Variants in DRC8 observed in about 807,000 individuals in gnomAD.
DRC8 encodes dynein regulatory complex protein 8.
At chr1:245,050,825 T>C in the DRC8 span, among the ~76,000 whole-genome samples, 1 of 152,178 alleles carries the variant, frequency 6.6e-6, no homozygotes, top group Admixed American at 6.5e-5. Flanking sequence ...AGGTCAGTCC[T>C]CTTCTTTTTG....
chr1:244,981,042 G>A, the DRC8 span, among the ~76,000 whole-genome samples: 1 of 152,134 alleles, frequency 6.6e-6, no homozygotes, highest in Non-Finnish European at 1.5e-5. Context: ...AATTAGCCAG[G>A]TGTGGTGGCA....
chr1:245,111,242 T>TC, the DRC8 span, among the ~76,000 whole-genome samples: 1 of 152,190 alleles, frequency 6.6e-6, no homozygotes, highest in African/African-American at 2.4e-5. Flanking sequence ...AGGTCTGCAC[T>TC]CGTGGGCACT....
the DRC8 span, among the ~76,000 whole-genome samples, chr1:245,097,242 C>T: frequency 1.3e-5 from 2 of 152,006 alleles, no homozygotes; most frequent in African/African-American, 4.8e-5. This position sits in a 1 kb window ranked among gnomAD's most constrained non-coding sequence, Gnocchi z 5.0. Context: ...GTAAACTGGT[C>T]GGGTGTGGTG....
chr1:244,978,137 A>G, the DRC8 span, among the ~76,000 whole-genome samples: 1 of 152,230 alleles, frequency 6.6e-6, no homozygotes, highest in Non-Finnish European at 1.5e-5. Flanking sequence ...AACCTCTAGT[A>G]TGGATTTTAT....
At chr1:244,983,501 A>T in the DRC8 span, among the ~76,000 whole-genome samples, 4 of 152,070 alleles carry the variant, frequency 2.6e-5, no homozygotes, top group Non-Finnish European at 1.5e-5. Context: ...GCACTTTGGG[A>T]GGCTGAGGTG....
chr1:245,103,858 G>A, the DRC8 span, among the ~76,000 whole-genome samples: 1 of 152,194 alleles, frequency 6.6e-6, no homozygotes, highest in Admixed American at 6.5e-5. Context: ...GCTGGAAACT[G>A]GTGAGAAGGT....
chr1:245,079,660 G>A, the DRC8 span, among the ~76,000 whole-genome samples: 1 of 152,196 alleles, frequency 6.6e-6, no homozygotes, highest in East Asian at 1.9e-4. Context: ...CTAAAGAGGG[G>A]TTTTGGTCTT....
At chr1:245,084,083 C>CCCCCT in the DRC8 span, among the ~76,000 whole-genome samples, 1 of 94,586 alleles carries the variant, frequency 1.1e-5, no homozygotes, top group African/African-American at 3.9e-5. Flanking sequence ...GGCGCCCCGG[C>CCCCCT]TTTTTTTTTT....
At chr1:245,012,337 A>T in the DRC8 span, among the ~76,000 whole-genome samples, 1 of 151,826 alleles carries the variant, frequency 6.6e-6, no homozygotes, top group South Asian at 2.1e-4. Context: ...TAATAATAAT[A>T]ATTATATTTT....
the DRC8 span, chr1:244,970,596 A>C: frequency 1.1e-6 from 1 of 894,072 alleles, no homozygotes; most frequent in Non-Finnish European, 1.5e-6. Flanking sequence ...CGGCAGCAGC[A>C]GTCGCCCTGC....
the DRC8 span, among the ~76,000 whole-genome samples, chr1:245,057,613 T>C: frequency 6.6e-6 from 1 of 151,568 alleles, no homozygotes; most frequent in African/African-American, 2.4e-5. Context: ...AATTTGTCTT[T>C]TCCCAATCTT....
chr1:245,081,461 A>G, the DRC8 span, among the ~76,000 whole-genome samples: 10 of 148,348 alleles, frequency 6.7e-5, no homozygotes, highest in South Asian at 2.2e-4. Context: ...GCACCCGGCA[A>G]TTTTTTTATT....
the DRC8 span, chr1:245,125,095 T>TTGGAGA: frequency 6.6e-6 from 1 of 152,296 alleles, no homozygotes; most frequent in Non-Finnish European, 1.5e-5. Flanking sequence ...GTTCCACTGT[T>TTGGAGA]TGGAGATGCC....
the DRC8 span, among the ~76,000 whole-genome samples, chr1:245,107,901 A>C: frequency 6.6e-6 from 1 of 151,992 alleles, no homozygotes; most frequent in Non-Finnish European, 1.5e-5. Flanking sequence ...TCACCTCGTC[A>C]CCGCTCTCAG....
chr1:245,034,839 A>G, the DRC8 span, among the ~76,000 whole-genome samples: 1 of 148,392 alleles, frequency 6.7e-6, no homozygotes, highest in Non-Finnish European at 1.5e-5. Flanking sequence ...ACAGTGTAAC[A>G]GTAGGAACCA....
At chr1:245,097,493 G>T in the DRC8 span, among the ~76,000 whole-genome samples, 4 of 151,884 alleles carry the variant, frequency 2.6e-5, no homozygotes, top group Admixed American at 2.0e-4. The surrounding 1 kb of genome is among the most constrained non-coding windows in gnomAD (Gnocchi z 5.0). Context: ...ACTCCAGCCT[G>T]GGAGACAAAG....
At chr1:245,088,315 G>GAACACACACAC in the DRC8 span, among the ~76,000 whole-genome samples, 74 of 145,600 alleles carry the variant, frequency 5.1e-4, no homozygotes, top group African/African-American at 1.8e-3. The surrounding 1 kb of genome is among the most constrained non-coding windows in gnomAD (Gnocchi z 4.6). Context: ...GTTATAACAA[G>GAACACACACAC]ACACACACAC....
the DRC8 span, among the ~76,000 whole-genome samples, chr1:245,055,467 G>A: frequency 1.3e-5 from 2 of 151,912 alleles, no homozygotes; most frequent in African/African-American, 2.4e-5. Flanking sequence ...CTACAGGCAC[G>A]TGCCACCACA....
the DRC8 span, among the ~76,000 whole-genome samples, chr1:245,110,455 C>T: frequency 1.3e-5 from 2 of 152,210 alleles, no homozygotes; most frequent in Non-Finnish European, 2.9e-5. Context: ...TGTTTCAATA[C>T]CATGCACACA....
Sources: allele counts gnomAD v4.1 joint callset (sites outside exome capture counted in the v4.1 genomes callset), GRCh38; gene constraint gnomAD v4.1.1; non-coding constraint Gnocchi (gnomAD v3.1); transcripts MANE v1.5; gene names NCBI Gene and HGNC (gene_info 2026-07-23, HGNC 2026-07-21).